RHOBTB3: variants seen among roughly 807,000 people sequenced by gnomAD.
RHOBTB3 encodes rho-related BTB domain-containing protein 3.
A neutral mutation model predicts 67.2 loss-of-function variants in RHOBTB3; 47 were observed. The observed-to-expected ratio is 0.70, with a 90% CI of 0.55 to 0.89. RHOBTB3 has a LOEUF of 0.89. Ranked by LOEUF, RHOBTB3 falls within the 40% of genes least tolerant of loss-of-function variation. RHOBTB3 has a pLI of 0.00. For synonymous variants in RHOBTB3, 273 were observed against 274.2 expected, an observed-to-expected ratio of 1.00 and a Z score of 0.04; for missense variants, 631 against 750.0, an observed-to-expected ratio of 0.84 and a Z score of 1.85.
intron 11 of RHOBTB3, 95 bp downstream of exon 11, chr5:95,788,953 A>G (rs769912262): frequency 2.8e-6 from 2 of 712,308 alleles, no homozygotes; most frequent in Non-Finnish European, 4.6e-6. Context: ...TTAGCAAAAT[A>G]AGAATAGTCA....
At chr5:95,732,147 C>A in intron 2 of RHOBTB3, 63 bp downstream of exon 2, 1 of 1,452,938 alleles carries the variant, frequency 6.9e-7, no homozygotes, top group Non-Finnish European at 9.6e-7. Context: ...TTTTTTCCCC[C>A]TCCCCCTTCT....
chr5:95,731,004 A>C, upstream of RHOBTB3: 3 of 668,220 alleles, frequency 4.5e-6, no homozygotes, highest in Non-Finnish European at 6.9e-6. Flanking sequence ...GTCCGGAGTG[A>C]GCGGGGGCCC....
intron 8 of RHOBTB3, among the ~76,000 whole-genome samples, chr5:95,776,676 G>T (rs892725154): frequency 1.3e-5 from 2 of 152,180 alleles, no homozygotes; most frequent in Non-Finnish European, 2.9e-5. Context: ...GGTCAGAAAG[G>T]CCTGGTTAAG....
chr5:95,754,288 T>C (rs1745181135), intron 5 of RHOBTB3, among the ~76,000 whole-genome samples: 1 of 152,148 alleles, frequency 6.6e-6, no homozygotes, highest in African/African-American at 2.4e-5. Flanking sequence ...AGGTTCAGAA[T>C]AATACAGTCT....
At chr5:95,791,838 G>A (rs1032113533) in intron 11 of RHOBTB3, among the ~76,000 whole-genome samples, 1 of 151,978 alleles carries the variant, frequency 6.6e-6, no homozygotes, top group South Asian at 2.1e-4. Context: ...GAGCCATCGT[G>A]CCTGGCCTCC....
intron 3 of RHOBTB3, among the ~76,000 whole-genome samples, chr5:95,747,329 C>T (rs532830349): frequency 5.9e-5 from 9 of 152,326 alleles, no homozygotes; most frequent in East Asian, 1.9e-4. Flanking sequence ...TACCCAGTCC[C>T]GCATTCCTCA....
intron 9 of RHOBTB3, 42 bp from the exon 10 acceptor site, chr5:95,783,755 G>A (rs1333000251): frequency 6.5e-7 from 1 of 1,550,094 alleles, no homozygotes; most frequent in Non-Finnish European, 8.8e-7. Context: ...TTAAAGAAAT[G>A]GTTTCATCAT....
At chr5:95,770,568 G>A in intron 8 of RHOBTB3, 1 of 413,356 alleles carries the variant, frequency 2.4e-6, no homozygotes, top group Non-Finnish European at 4.9e-6. Flanking sequence ...TTGGCCCAAC[G>A]AAGGATGTGA....
At chr5:95,777,411 TTTTG>T (rs1745919606) in intron 8 of RHOBTB3, among the ~76,000 whole-genome samples, 1 of 152,244 alleles carries the variant, frequency 6.6e-6, no homozygotes, top group South Asian at 2.1e-4. Flanking sequence ...GGCTTTTCAT[TTTTG>T]TTTCACTCTT....
chr5:95,735,840 C>T (rs535040072), intron 2 of RHOBTB3, among the ~76,000 whole-genome samples: 1 of 152,156 alleles, frequency 6.6e-6, no homozygotes, highest in African/African-American at 2.4e-5. Flanking sequence ...GTGGCTCATG[C>T]CTGTAATCCT....
intron 6 of RHOBTB3, among the ~76,000 whole-genome samples, chr5:95,758,310 A>G (rs1363426884): frequency 6.6e-6 from 1 of 152,194 alleles, no homozygotes; most frequent in Non-Finnish European, 1.5e-5. Flanking sequence ...TACCTGTTGT[A>G]ATTTTTTTAT....
chr5:95,718,755 G>A (rs773782771), intron 1 of RHOBTB3, among the ~76,000 whole-genome samples: 6 of 152,176 alleles, frequency 3.9e-5, no homozygotes, highest in Non-Finnish European at 7.3e-5. Context: ...ATAGAATGGG[G>A]CTATGAGAAC....
At chr5:95,750,467 T>G (rs770092246) in intron 4 of RHOBTB3, among the ~76,000 whole-genome samples, 1 of 152,218 alleles carries the variant, frequency 6.6e-6, no homozygotes, top group East Asian at 1.9e-4. Context: ...AAAATTCAGT[T>G]CTTCAAGCAT....
chr5:95,763,945 G>A (rs529297121), intron 7 of RHOBTB3, among the ~76,000 whole-genome samples: 38 of 151,954 alleles, frequency 2.5e-4, no homozygotes, highest in Admixed American at 1.2e-3. Flanking sequence ...AAGGAGCTGG[G>A]ACTATAGATA....
At chr5:95,775,056 A>G (rs895839463) in intron 8 of RHOBTB3, among the ~76,000 whole-genome samples, 1 of 152,192 alleles carries the variant, frequency 6.6e-6, no homozygotes, top group African/African-American at 2.4e-5. Context: ...CTCAAAGGCG[A>G]GTGTGAGAGT....
chr5:95,784,600 G>A lies in RHOBTB3; in HGVS notation c.1623+637G>A, dbSNP rs549182957. ...TATATCATTACTGATTTTAGAGAAC[G>A]GGGGTGGGGGAGTTACATAATTAAG... On this transcript the variant is annotated intron_variant, in intron 10 of 11. Transcript: ENST00000379982. 7.2e-5 allele frequency among the ~76,000 whole-genome samples: 11 copies of A among 152,184 alleles called. No homozygotes were observed. In the South Asian group the frequency reaches 1.7e-3, roughly 23 times the overall value.
chr5:95,767,338 C>T (rs567691010), intron 7 of RHOBTB3, among the ~76,000 whole-genome samples: 1 of 117,978 alleles, frequency 8.5e-6, no homozygotes, highest in Non-Finnish European at 1.9e-5. Context: ...TTGTATTTTT[C>T]TTTCTTTTTT....
chr5:95,767,538 A>G (rs535097841), intron 7 of RHOBTB3, among the ~76,000 whole-genome samples: 21 of 152,126 alleles, frequency 1.4e-4, no homozygotes, highest in African/African-American at 4.3e-4. Context: ...GGGTTTTGCT[A>G]TGTTGGCCAG....
chr5:95,755,499 T>C lies in RHOBTB3; in HGVS notation c.786T>C (p.Asn262=), dbSNP rs1306010683. 6.2e-7 allele frequency: 1 copy of C among 1,614,144 alleles called. No homozygotes were observed. Among genetic ancestry groups the C allele is most frequent in the Non-Finnish European group, 8.5e-7 (1 of 1,180,008 alleles). Residue 262 remains asparagine, a synonymous_variant, in exon 6 of 12, where the codon AAT becomes AAC. Transcript: ENST00000379982. ...TGGACGTGGTATTTTACAACCCCAA[T>C]TTAAAGAAAGTTGTAGAGGCCCACA... ...QCVDVVFYNP[N]LKKVVEAHKI... is the part of the protein sequence containing the mutation.
Sources: gnomAD v4.1 joint callset for allele counts (sites outside exome capture counted in the v4.1 genomes callset) on GRCh38, gnomAD v4.1.1 for gene constraint, MANE v1.5 for transcripts, NCBI Gene and HGNC (gene_info 2026-07-23, HGNC 2026-07-21) for gene names.